The following FHIT variants were observed in gnomAD, a reference collection of about 807,000 sequenced individuals.
FHIT encodes bis(5'-adenosyl)-triphosphatase.
A neutral mutation model predicts 17.9 loss-of-function variants in FHIT; 19 were observed. The observed-to-expected ratio is 1.06, with a 90% confidence interval of 0.74 to 1.56. The LOEUF is 1.56. FHIT is among the 40% of genes most tolerant of loss of function. FHIT has a pLI of 0.00. For missense variants in FHIT, 248 were observed against 189.2 expected, an observed-to-expected ratio of 1.31 and a Z score of -1.82; for synonymous variants, 81 against 69.7, an observed-to-expected ratio of 1.16 and a Z score of -0.81.
chr3:61,187,278 A>C (rs13060326), intron 2 of FHIT, among the ~76,000 whole-genome samples: 6,448 of 152,302 alleles, frequency 0.042, 233 homozygotes, highest in Non-Finnish European at 0.061. Flanking sequence ...AAGAACATAG[A>C]CACAGCAGAC....
chr3:60,947,444 T>A (rs1553775984), intron 3 of FHIT, among the ~76,000 whole-genome samples: 1 of 152,188 alleles, frequency 6.6e-6, no homozygotes, highest in Non-Finnish European at 1.5e-5. Context: ...ATGTAACATT[T>A]GAAAATTCCC....
At chr3:60,701,423 C>A (rs1371621471) in intron 4 of FHIT, among the ~76,000 whole-genome samples, 2 of 151,974 alleles carry the variant, frequency 1.3e-5, no homozygotes, top group Non-Finnish European at 2.9e-5. Flanking sequence ...AAATCAGTCT[C>A]CCCCCCAAAC....
At chr3:61,005,730 A>G (rs897270405) in intron 3 of FHIT, among the ~76,000 whole-genome samples, 5 of 152,134 alleles carry the variant, frequency 3.3e-5, no homozygotes, top group African/African-American at 9.7e-5. Context: ...ATAATTATAT[A>G]TGTGGTGCCT....
intron 4 of FHIT, among the ~76,000 whole-genome samples, chr3:60,618,950 G>GC (rs1349913638): frequency 2.0e-5 from 3 of 150,274 alleles, no homozygotes; most frequent in Non-Finnish European, 4.4e-5. Flanking sequence ...TCCCCTAAAG[G>GC]CCCCAAAAAG....
chr3:60,769,029 A>G (rs546880425), intron 4 of FHIT, among the ~76,000 whole-genome samples: 90 of 152,274 alleles, frequency 5.9e-4, no homozygotes, highest in Non-Finnish European at 1.1e-3. Context: ...CAAATGTTTT[A>G]TTCACCTTGA....
intron 8 of FHIT, among the ~76,000 whole-genome samples, chr3:59,912,252 T>G (rs1298704826): frequency 6.6e-6 from 1 of 152,166 alleles, no homozygotes; most frequent in Non-Finnish European, 1.5e-5. Context: ...GGAGTCCAAT[T>G]CAGCCTTATC....
intron 5 of FHIT, among the ~76,000 whole-genome samples, chr3:60,498,424 A>G (rs912037011): frequency 6.6e-6 from 1 of 152,200 alleles, no homozygotes; most frequent in Non-Finnish European, 1.5e-5. Flanking sequence ...AAATTATGCT[A>G]TTAATGATTC....
At chr3:60,138,252 G>T (rs1333369329) in intron 5 of FHIT, among the ~76,000 whole-genome samples, 1 of 152,158 alleles carries the variant, frequency 6.6e-6, no homozygotes, top group South Asian at 2.1e-4. Flanking sequence ...AGTGATTGAT[G>T]CTAAGCATCT....
chr3:59,961,686 G>C (rs546621190), intron 7 of FHIT, among the ~76,000 whole-genome samples: 6 of 152,238 alleles, frequency 3.9e-5, no homozygotes, highest in African/African-American at 1.4e-4. Context: ...GACCCCTTGT[G>C]CTTCCCAAGT....
chr3:60,327,981 G>A (rs962242267), intron 5 of FHIT, among the ~76,000 whole-genome samples: 1 of 152,182 alleles, frequency 6.6e-6, no homozygotes, highest in Non-Finnish European at 1.5e-5. Flanking sequence ...CCAGAGCCCT[G>A]TGAGAGCTAA....
rs191663808 is a variant in FHIT at position 60,706,939 on chromosome 3, A to G, written c.-18+114980T>C. Among the ~76,000 whole-genome samples, 9 of 152,332 alleles carry G rather than the reference A, an allele frequency of 5.9e-5. No individual in the cohort carries two copies. The East Asian group carries it at 1.4e-3, about 23-fold the overall frequency. On this transcript the variant is annotated intron_variant, in intron 4 of 9. Transcript: ENST00000492590. Reference sequence around the variant, plus strand: ...CTCATCTTGTCCGAGAATTAATTGTACTGCTGAAATTAGACATCCAGCCTG... The same window carrying G: ...CTCATCTTGTCCGAGAATTAATTGTGCTGCTGAAATTAGACATCCAGCCTG...
At chr3:60,919,802 G>A (rs782144902) in intron 3 of FHIT, among the ~76,000 whole-genome samples, 30 of 152,152 alleles carry the variant, frequency 2.0e-4, no homozygotes, top group Non-Finnish European at 3.5e-4. Context: ...TTGGGAGGCC[G>A]AGATAGGTAG....
intron 5 of FHIT, among the ~76,000 whole-genome samples, chr3:60,047,247 T>C (rs1701690712): frequency 6.6e-6 from 1 of 152,360 alleles, no homozygotes; most frequent in South Asian, 2.1e-4. Flanking sequence ...GATAGAATGC[T>C]ATCCACATTG....
chr3:61,060,877 G>A (rs1165672003), intron 2 of FHIT, among the ~76,000 whole-genome samples: 1 of 152,184 alleles, frequency 6.6e-6, no homozygotes, highest in Non-Finnish European at 1.5e-5. Context: ...CAGTTCCTTA[G>A]CTCAATTAAG....
chr3:60,934,592 A>G (rs1202601469), intron 3 of FHIT, among the ~76,000 whole-genome samples: 2 of 152,204 alleles, frequency 1.3e-5, no homozygotes, highest in Non-Finnish European at 2.9e-5. Context: ...AACGTATATG[A>G]TAATTCTCAA....
chr3:61,162,579 A>G (rs2037728252), intron 2 of FHIT, among the ~76,000 whole-genome samples: 1 of 152,216 alleles, frequency 6.6e-6, no homozygotes, highest in South Asian at 2.1e-4. Flanking sequence ...AACATATATT[A>G]TGATTCAAGC....
At chr3:60,579,140 G>C (rs1381609509) in intron 4 of FHIT, among the ~76,000 whole-genome samples, 1 of 152,196 alleles carries the variant, frequency 6.6e-6, no homozygotes, top group East Asian at 1.9e-4. Flanking sequence ...TCTGAGAAAT[G>C]CATCATTAGG....
At chr3:60,588,222 T>C (rs1230690119) in intron 4 of FHIT, among the ~76,000 whole-genome samples, 1 of 152,080 alleles carries the variant, frequency 6.6e-6, no homozygotes, top group African/African-American at 2.4e-5. Flanking sequence ...TTAAGGCAGC[T>C]GAACTTGATC....
At chr3:60,073,494 C>A (rs954956287) in intron 5 of FHIT, among the ~76,000 whole-genome samples, 1 of 152,020 alleles carries the variant, frequency 6.6e-6, no homozygotes, top group Non-Finnish European at 1.5e-5. Flanking sequence ...TGCTTATGTT[C>A]GTCTCACGTT....
Sources: gnomAD v4.1 joint callset for allele counts (sites outside exome capture counted in the v4.1 genomes callset) on GRCh38, gnomAD v4.1.1 for gene constraint, MANE v1.5 for transcripts, NCBI Gene and HGNC (gene_info 2026-07-23, HGNC 2026-07-21) for gene names.